Variants in ZEB1 observed in about 807,000 individuals in gnomAD.
ZEB1 encodes zinc finger E-box-binding homeobox 1.
A neutral mutation model predicts 84.9 loss-of-function variants in ZEB1; 21 were observed. The observed-to-expected ratio is 0.25, with a 90% CI of 0.18 to 0.36. The LOEUF is 0.36. ZEB1 is among the 10% of genes least tolerant of loss of function. ZEB1 has a pLI of 1.00. For synonymous variants in ZEB1, 420 were observed against 471.1 expected (o/e 0.89, Z 1.41); for missense variants, 1,104 against 1,330.2 (o/e 0.83, Z 2.65).
intron 1 of ZEB1, among the ~76,000 whole-genome samples, chr10:31,432,712 AGAGTGCTTTT>A (rs2057864015): frequency 1.3e-5 from 2 of 152,340 alleles, no homozygotes; most frequent in Admixed American, 1.3e-4. Flanking sequence ...TTACGGCCCC[AGAGTGCTTTT>A]GACTATGTGG....
At chr10:31,442,307 G>A (rs927493036) in intron 1 of ZEB1, among the ~76,000 whole-genome samples, 1 of 151,714 alleles carries the variant, frequency 6.6e-6, no homozygotes, top group African/African-American at 2.4e-5. Flanking sequence ...CTATCGCAAG[G>A]ACAAAAAACC....
chr10:31,362,898 C>T (rs1427827472), intron 1 of ZEB1: 10 of 1,406,016 alleles, frequency 7.1e-6, no homozygotes, highest in East Asian at 2.5e-5. Context: ...TTAACACTCT[C>T]ATGTTCTTAC....
At chr10:31,472,771 A>G (rs1442246291) in intron 2 of ZEB1, among the ~76,000 whole-genome samples, 2 of 140,762 alleles carry the variant, frequency 1.4e-5, no homozygotes, top group East Asian at 2.0e-4. Context: ...AGAATTTTAG[A>G]CCAATATCCT....
Position 31,475,039 on chromosome 10 carries a change from C to T in ZEB1, c.259+13802C>T, listed in dbSNP as rs929627956. 8.1e-4 allele frequency among the ~76,000 whole-genome samples: 104 copies of T among 128,934 alleles called. 5 individuals carry two copies. The South Asian group carries it at 0.023, about 29-fold the overall frequency. 84.6% of individuals were successfully genotyped at this position (128,934 alleles called of 152,430 possible). A position where few individuals can be genotyped will look rare whatever the true frequency, so the allele number is the denominator to read the frequency against. ...GATCACATGGACACAGGAAGGGGAA[C>T]ATCACACTCTGGGGACTGTTGTGGG... On this transcript the variant is annotated intron_variant, in intron 2 of 8. Coordinates refer to ENST00000424869, the MANE Select transcript of ZEB1 (RefSeq NM_001174096.2).
chr10:31,501,722 A>G (rs1387747152), intron 3 of ZEB1, among the ~76,000 whole-genome samples: 2 of 152,156 alleles, frequency 1.3e-5, no homozygotes, highest in Non-Finnish European at 2.9e-5. Flanking sequence ...ACATACATAC[A>G]TATGATAAAG....
At chr10:31,437,519 T>C (rs1040568549) in intron 1 of ZEB1, among the ~76,000 whole-genome samples, 6 of 152,238 alleles carry the variant, frequency 3.9e-5, no homozygotes, top group Middle Eastern at 6.3e-3. Flanking sequence ...ATTATCCCCC[T>C]TGTTCTTTCA....
Position 31,527,704 on chromosome 10 carries a change from G to A in ZEB1, c.*440G>A, listed in dbSNP as rs1200941978. 2 of 163,744 alleles carry A rather than the reference G, an allele frequency of 1.2e-5. No individual in the cohort carries two copies. The highest frequency in any genetic ancestry group is 2.7e-5 in the Non-Finnish European group (2 of 74,108). The allele number at this position is 163,744 out of a possible 1,614,324, so 10.1% of individuals were successfully genotyped here. A position where few individuals can be genotyped will look rare whatever the true frequency, so the allele number is the denominator to read the frequency against. ...GGAGAAATTTTATAATTTTTTATTGGTAAACATATGCTAAATCCGCTTCAG... is the reference window on the plus strand; with the variant it reads ...GGAGAAATTTTATAATTTTTTATTGATAAACATATGCTAAATCCGCTTCAG... On this transcript the variant is annotated 3_prime_UTR_variant, in exon 9 of 9. Coordinates refer to ENST00000424869, the MANE Select transcript of ZEB1 (RefSeq NM_001174096.2).
At position 31,380,467 on chromosome 10, in the gene ZEB1, A is replaced by G. The variant is rs1055351983; in HGVS notation, c.58+61175A>G. Among the ~76,000 whole-genome samples the G allele has an allele frequency of 4.6e-5, 7 of 152,278 alleles. No homozygotes were observed. In the East Asian group the frequency reaches 1.2e-3, roughly 25 times the overall value. The stretch of plus-strand genomic sequence containing the variant: ...ATGTCTGCTTGTCATACTCTTATCA[A>G]TGCTAAAATTGGGCAGTGGTGCCAA... On this transcript the variant is annotated intron_variant, in intron 1 of 8. Transcript: ENST00000424869.
At chr10:31,357,098 C>G (rs963241434) in intron 1 of ZEB1, among the ~76,000 whole-genome samples, 19 of 152,040 alleles carry the variant, frequency 1.2e-4, no homozygotes, top group Non-Finnish European at 2.2e-4. Flanking sequence ...AAAAGTATTT[C>G]TAGGAAAAGT....
In ZEB1 at chr10:31,497,971, A is replaced by AGATAGATAGATT. The variant is rs1406512992; in HGVS notation, c.322+2136_322+2137insAGATAGATTGAT. ...TAGATAGATAGATAGATAGATAGAT[A>AGATAGATAGATT]GATTTAAAAATATTCAGTGTTTATA... is the stretch of plus-strand genomic sequence containing the variant. On this transcript the variant is annotated intron_variant, in intron 3 of 8. Transcript: ENST00000424869. Among the ~76,000 whole-genome samples the AGATAGATAGATT allele has an allele frequency of 8.0e-5, 12 of 149,600 alleles. No individual in the cohort carries two copies. In the South Asian group the frequency reaches 8.4e-4, roughly 11 times the overall value.
At position 31,524,020 on chromosome 10, in the gene ZEB1, C is replaced by T. The variant is rs1263670005; in HGVS notation, c.2692C>T (p.Arg898Trp). Reference sequence around the variant, plus strand: ...TTCTACACCGCCCAAAAAGAAAATGCGGAAGACAGAAAATGGAATGTATGC... The same window carrying T: ...TTCTACACCGCCCAAAAAGAAAATGTGGAAGACAGAAAATGGAATGTATGC... ...SDSTPPKKKM[R>W]KTENGMYACD... The change falls in exon 8 of 9, where the codon CGG becomes TGG. Residue 898 changes from arginine (R) to tryptophan (W), a missense_variant. By Grantham distance (101) the Arg-to-Trp change is moderately radical. Transcript: ENST00000424869. 3 of 1,613,720 alleles carry T rather than the reference C, an allele frequency of 1.9e-6. No individual in the cohort carries two copies. The highest frequency in any genetic ancestry group is 2.5e-6 in the Non-Finnish European group (3 of 1,179,874).
chr10:31,456,722 C>A (rs2061284865), intron 1 of ZEB1, among the ~76,000 whole-genome samples: 1 of 152,072 alleles, frequency 6.6e-6, no homozygotes, highest in Admixed American at 6.6e-5. Flanking sequence ...TTTTCTTTGT[C>A]TGTCAGAGGG....
intron 1 of ZEB1, among the ~76,000 whole-genome samples, chr10:31,427,668 A>G (rs931235269): frequency 2.6e-5 from 4 of 152,148 alleles, no homozygotes; most frequent in Non-Finnish European, 5.9e-5. Context: ...CCTGGCTAAC[A>G]TGGTGAAACC....
intron 1 of ZEB1, among the ~76,000 whole-genome samples, chr10:31,351,324 T>C (rs2041284265): frequency 6.6e-6 from 1 of 152,194 alleles, no homozygotes. Flanking sequence ...CAAAACAAAA[T>C]TAAGTTTTAA....
intron 2 of ZEB1, among the ~76,000 whole-genome samples, chr10:31,464,127 T>A (rs192124406): frequency 5.9e-5 from 9 of 152,064 alleles, no homozygotes; most frequent in Non-Finnish European, 1.2e-4. Context: ...TAACAACAAA[T>A]TAAACAGGGT....
At chr10:31,368,579 T>G (rs955410830) in intron 1 of ZEB1, among the ~76,000 whole-genome samples, 4 of 152,194 alleles carry the variant, frequency 2.6e-5, no homozygotes, top group Non-Finnish European at 5.9e-5. Context: ...TTGTTGTTTT[T>G]TAAATTTTTT....
intron 2 of ZEB1, among the ~76,000 whole-genome samples, chr10:31,492,901 A>G (rs974140981): frequency 7.9e-5 from 12 of 152,012 alleles, no homozygotes; most frequent in African/African-American, 2.9e-4. Flanking sequence ...AATTTGAGAT[A>G]TTTGCCTTTG....
At chr10:31,411,990 A>C (rs7902940) in intron 1 of ZEB1, among the ~76,000 whole-genome samples, 1 of 152,144 alleles carries the variant, frequency 6.6e-6, no homozygotes, top group African/African-American at 2.4e-5. Flanking sequence ...GATCTCAACC[A>C]GAATTCATTA....
intron 1 of ZEB1, among the ~76,000 whole-genome samples, chr10:31,417,032 A>G (rs541019608): frequency 6.6e-6 from 1 of 152,130 alleles, no homozygotes; most frequent in African/African-American, 2.4e-5. Flanking sequence ...CACTGCTCAA[A>G]TACATTTAGT....
Sources: allele counts gnomAD v4.1 joint callset (sites outside exome capture counted in the v4.1 genomes callset), GRCh38; gene constraint gnomAD v4.1.1; transcripts MANE v1.5; gene names NCBI Gene and HGNC (gene_info 2026-07-23, HGNC 2026-07-21).